Variants in AGBL1 observed in about 807,000 individuals in gnomAD.
AGBL1 encodes cytosolic carboxypeptidase 4.
AGBL1 carries 130 observed loss-of-function variants against 118.9 expected under a neutral mutation model. The observed-to-expected ratio is 1.09, with a 90% CI of 0.95 to 1.26. The LOEUF (loss-of-function observed/expected upper bound fraction) is 1.26, where lower values mean the gene tolerates loss of function less well. AGBL1 is among the 50% of genes most tolerant of loss of function. AGBL1 has a pLI of 0.00. For missense variants in AGBL1, 1,584 were observed against 1,298.1 expected, an observed-to-expected ratio of 1.22 and a Z score of -3.38; for synonymous variants, 555 against 478.9, an observed-to-expected ratio of 1.16 and a Z score of -2.08.
chr15:86,735,813 G>C (rs2077587475), intron 22 of AGBL1, among the ~76,000 whole-genome samples: 1 of 152,118 alleles, frequency 6.6e-6, no homozygotes, highest in Non-Finnish European at 1.5e-5. Context: ...TCATGGCCTG[G>C]CATGTAGCAA....
intron 22 of AGBL1, among the ~76,000 whole-genome samples, chr15:86,866,302 C>A (rs1426219356): frequency 2.0e-5 from 3 of 152,134 alleles, no homozygotes; most frequent in African/African-American, 7.2e-5. Context: ...AGGTACTATT[C>A]TTGAATTGTT....
intron 6 of AGBL1, among the ~76,000 whole-genome samples, chr15:86,246,592 G>A (rs2078725149): frequency 1.3e-5 from 2 of 152,170 alleles, no homozygotes; most frequent in Admixed American, 1.3e-4. Context: ...TTGGGTTAGT[G>A]GGATGAGGAA....
At chr15:86,478,812 T>A (rs543947273) in intron 18 of AGBL1, among the ~76,000 whole-genome samples, 2 of 152,186 alleles carry the variant, frequency 1.3e-5, no homozygotes, top group Admixed American at 6.5e-5. Context: ...TGGAGGCATC[T>A]CACTACCTGA....
intron 21 of AGBL1, among the ~76,000 whole-genome samples, chr15:86,666,631 G>A (rs556614843): frequency 1.5e-4 from 23 of 152,184 alleles, no homozygotes; most frequent in Non-Finnish European, 2.9e-4. Flanking sequence ...TGTCAAGTAC[G>A]ATTTTGACAA....
At chr15:86,437,250 C>A (rs563392043) in intron 18 of AGBL1, among the ~76,000 whole-genome samples, 4 of 152,146 alleles carry the variant, frequency 2.6e-5, no homozygotes, top group South Asian at 4.1e-4. Context: ...GGTGTTGTGA[C>A]CAAAACTCCC....
intron 22 of AGBL1, among the ~76,000 whole-genome samples, chr15:86,798,922 G>A (rs1266570848): frequency 6.6e-6 from 1 of 151,936 alleles, no homozygotes; most frequent in Non-Finnish European, 1.5e-5. Flanking sequence ...AAGATTTGGG[G>A]AAGAAGCTGG....
chr15:86,242,519 T>G (rs1374358257), intron 6 of AGBL1, among the ~76,000 whole-genome samples: 2 of 152,236 alleles, frequency 1.3e-5, no homozygotes, highest in Non-Finnish European at 2.9e-5. Context: ...TCTGGCTATA[T>G]GCAAGGATTT....
intron 23 of AGBL1, among the ~76,000 whole-genome samples, chr15:86,927,535 T>C (rs2080557592): frequency 6.6e-6 from 1 of 152,172 alleles, no homozygotes; most frequent in South Asian, 2.1e-4. Flanking sequence ...TGCAGTGAGC[T>C]ATGATCATAC....
chr15:86,792,111 A>G (rs1395786551), intron 22 of AGBL1, among the ~76,000 whole-genome samples: 2 of 152,168 alleles, frequency 1.3e-5, no homozygotes, highest in East Asian at 1.9e-4. Flanking sequence ...GTATGATTCT[A>G]TATCTAACTC....
rs2077817559 is a variant in AGBL1 at position 86,196,876 on chromosome 15, C to CGCGCGT, written c.489-28034_489-28033insGTGCGC. 6.2e-5 allele frequency among the ~76,000 whole-genome samples: 6 copies of CGCGCGT among 96,786 alleles called. No homozygotes were observed. In the South Asian group the frequency reaches 2.6e-3, roughly 42 times the overall value. The allele number at this position is 96,786 out of a possible 152,430, so 63.5% of individuals were successfully genotyped here. ...ATGCGAATGTGCACATGTGCGCGCG[C>CGCGCGT]GCGCACACACACACACACACACACA... On this transcript the variant is annotated intron_variant, in intron 5 of 22. Coordinates refer to ENST00000614907, the MANE Select transcript of AGBL1 (RefSeq NM_001386094.1).
chr15:86,541,098 GGTGA>G (rs538498818), intron 19 of AGBL1, among the ~76,000 whole-genome samples: 46 of 152,336 alleles, frequency 3.0e-4, no homozygotes, highest in Admixed American at 7.2e-4. Flanking sequence ...TCATAAGAAT[GGTGA>G]GTGTTTATTC....
intron 22 of AGBL1, among the ~76,000 whole-genome samples, chr15:86,787,834 A>G (rs1046497960): frequency 6.6e-6 from 1 of 152,126 alleles, no homozygotes; most frequent in African/African-American, 2.4e-5. Context: ...TCTTCTTCCA[A>G]GAATGTTTTA....
At chr15:86,859,948 G>C (rs1041500933) in intron 22 of AGBL1, among the ~76,000 whole-genome samples, 1 of 152,192 alleles carries the variant, frequency 6.6e-6, no homozygotes, top group Non-Finnish European at 1.5e-5. Context: ...TCCCACTGAG[G>C]ATTGTTAGCC....
intron 22 of AGBL1, among the ~76,000 whole-genome samples, chr15:86,786,284 G>T (rs1374151832): frequency 1.3e-5 from 2 of 151,928 alleles, no homozygotes; most frequent in Non-Finnish European, 2.9e-5. Flanking sequence ...AGTCCCTAGA[G>T]TGTGATGTTC....
At chr15:86,231,984 C>G (rs908577183) in intron 6 of AGBL1, among the ~76,000 whole-genome samples, 1 of 152,164 alleles carries the variant, frequency 6.6e-6, no homozygotes, top group African/African-American at 2.4e-5. Context: ...AGCACACCAC[C>G]ATGGCTGTGT....
intron 6 of AGBL1, among the ~76,000 whole-genome samples, chr15:86,237,014 A>G (rs1389505966): frequency 7.2e-6 from 1 of 138,534 alleles, no homozygotes; most frequent in Non-Finnish European, 1.5e-5. Flanking sequence ...GGGTGGGCCC[A>G]GTTTCTAATG....
intron 23 of AGBL1, among the ~76,000 whole-genome samples, chr15:86,933,559 T>TGCATCA (rs1401558726): frequency 6.6e-6 from 1 of 152,182 alleles, no homozygotes; most frequent in African/African-American, 2.4e-5. Flanking sequence ...TGTCTGGCCT[T>TGCATCA]GCATCAGTTA....
At chr15:86,471,885 G>A (rs1034135604) in intron 18 of AGBL1, among the ~76,000 whole-genome samples, 4 of 152,146 alleles carry the variant, frequency 2.6e-5, no homozygotes, top group Admixed American at 6.5e-5. Flanking sequence ...AGACAATGTT[G>A]GCAAATGTCA....
intron 1 of AGBL1, among the ~76,000 whole-genome samples, chr15:86,116,053 A>T (rs1897735257): frequency 6.6e-6 from 1 of 152,184 alleles, no homozygotes; most frequent in African/African-American, 2.4e-5. Flanking sequence ...AACAATAATA[A>T]AATTGACTGT....
Sources: allele counts gnomAD v4.1 joint callset (sites outside exome capture counted in the v4.1 genomes callset), GRCh38; gene constraint gnomAD v4.1.1; transcripts MANE v1.5; gene names NCBI Gene and HGNC (gene_info 2026-07-23, HGNC 2026-07-21).